Variants in DCAF10 observed in about 807,000 individuals in gnomAD.
The protein encoded by DCAF10 is DDB1- and CUL4-associated factor 10.
A neutral mutation model predicts 51.9 loss-of-function variants in DCAF10; 19 were observed. The ratio of observed to expected loss-of-function variants is 0.37; its 90% CI spans 0.26 to 0.54. DCAF10 has a LOEUF of 0.54. Among genes scored for constraint, DCAF10 ranks in the 20% least tolerant of loss-of-function variants. DCAF10 has a pLI of 0.87. For synonymous variants in DCAF10, 291 were observed against 297.1 expected, an observed-to-expected ratio of 0.98 and a Z score of 0.21; for missense variants, 510 against 730.6, an observed-to-expected ratio of 0.70 and a Z score of 3.48.
At chr9:37,822,418 T>G (rs1350396276) in intron 2 of DCAF10, among the ~76,000 whole-genome samples, 5 of 70,840 alleles carry the variant, frequency 7.1e-5, no homozygotes, top group East Asian at 2.5e-4. Flanking sequence ...TATATATATA[T>G]ATATATATAT....
chr9:37,826,287 T>C (rs1829850144), intron 2 of DCAF10, among the ~76,000 whole-genome samples: 1 of 152,200 alleles, frequency 6.6e-6, no homozygotes. Flanking sequence ...CTATTATGCA[T>C]GTAAAGAGAA....
chr9:37,831,084 G>A (rs539587579), intron 2 of DCAF10, among the ~76,000 whole-genome samples: 100 of 152,248 alleles, frequency 6.6e-4, no homozygotes, highest in Middle Eastern at 6.8e-3. Context: ...TTAGCTGGGC[G>A]TGGTGGCACA....
At chr9:37,808,661 A>C (rs10973560) in intron 1 of DCAF10, among the ~76,000 whole-genome samples, 1 of 51,200 alleles carries the variant, frequency 2.0e-5, no homozygotes, top group East Asian at 4.6e-4. Flanking sequence ...ATAAAATATA[A>C]ATATATTATA....
chr9:37,831,142 A>G (rs572340559), intron 2 of DCAF10, among the ~76,000 whole-genome samples: 78 of 152,232 alleles, frequency 5.1e-4, no homozygotes, highest in Non-Finnish European at 8.5e-4. Flanking sequence ...GCTTGAACCC[A>G]GGAGGCAGAG....
intron 3 of DCAF10, among the ~76,000 whole-genome samples, chr9:37,846,856 C>G (rs1482804529): frequency 6.6e-6 from 1 of 152,202 alleles, no homozygotes; most frequent in East Asian, 1.9e-4. Context: ...TAATAACAGT[C>G]CTTCACAAAC....
intron 3 of DCAF10, among the ~76,000 whole-genome samples, chr9:37,846,541 C>T (rs568168885): frequency 3.3e-5 from 5 of 152,170 alleles, no homozygotes; most frequent in African/African-American, 1.2e-4. Context: ...ATTGCAACCT[C>T]TGCTTCCCAG....
At chr9:37,812,023 C>T (rs1829362965) in intron 1 of DCAF10, among the ~76,000 whole-genome samples, 1 of 151,740 alleles carries the variant, frequency 6.6e-6, no homozygotes, top group Non-Finnish European at 1.5e-5. Context: ...CCTGACTCTA[C>T]AAAAAAATTA....
intron 2 of DCAF10, among the ~76,000 whole-genome samples, chr9:37,826,057 A>G (rs1451697288): frequency 6.7e-6 from 1 of 148,560 alleles, no homozygotes; most frequent in African/African-American, 2.5e-5. Flanking sequence ...AAAAAGTTTA[A>G]AAAAGTGGTA....
intron 2 of DCAF10, 112 bp from the exon 3 acceptor site, chr9:37,841,977 A>G (rs1830349547): frequency 1.1e-6 from 1 of 908,494 alleles, no homozygotes; most frequent in Non-Finnish European, 1.6e-6. Context: ...GTGAGTGTGT[A>G]GTCCTTTTTT....
intron 3 of DCAF10, among the ~76,000 whole-genome samples, chr9:37,854,530 T>G (rs1830788464): frequency 6.6e-6 from 1 of 152,230 alleles, no homozygotes; most frequent in Non-Finnish European, 1.5e-5. Flanking sequence ...CATTCCTTTG[T>G]GGTAAGGACA....
At chr9:37,813,235 A>G (rs1829408938) in intron 1 of DCAF10, among the ~76,000 whole-genome samples, 1 of 152,098 alleles carries the variant, frequency 6.6e-6, no homozygotes, top group Non-Finnish European at 1.5e-5. Flanking sequence ...GGCAGCTAGG[A>G]CTGCAGCCAT....
In DCAF10 at chr9:37,854,786, A is replaced by G; in HGVS notation, c.858A>G (p.Thr286=). 1 of 1,613,746 alleles carries G rather than the reference A, an allele frequency of 6.2e-7. No individual in the cohort carries two copies. Among genetic ancestry groups the G allele is most frequent in the South Asian group, 1.1e-5 (1 of 90,988 alleles). ...NVIIWDTNRY[T]EDGCPHKKFF... is the part of the protein sequence containing the mutation. The stretch of plus-strand genomic sequence containing the variant: ...GGCTTGGTTTCTCCTGTAGGTATAC[A>G]GAAGATGGGTGTCCACATAAGAAAT... The change falls in exon 4 of 7, where the codon ACA becomes ACG. Residue 286 remains threonine, a synonymous_variant. Coordinates refer to ENST00000377724, the MANE Select transcript of DCAF10 (RefSeq NM_024345.5).
chr9:37,831,835 G>A (rs1830015607), intron 2 of DCAF10, among the ~76,000 whole-genome samples: 1 of 152,150 alleles, frequency 6.6e-6, no homozygotes, highest in Admixed American at 6.5e-5. Context: ...TGTAATCCCA[G>A]CTACTCGGGA....
intron 2 of DCAF10, among the ~76,000 whole-genome samples, chr9:37,828,758 C>T (rs10973574): frequency 2.9e-4 from 44 of 151,606 alleles, no homozygotes; most frequent in African/African-American, 9.0e-4. Flanking sequence ...TGAACCAGTG[C>T]GGGGTGGAAA....
chr9:37,816,185 T>C (rs2119046904), intron 1 of DCAF10, among the ~76,000 whole-genome samples: 1 of 152,294 alleles, frequency 6.6e-6, no homozygotes, highest in East Asian at 1.9e-4. Flanking sequence ...ATGGGCCATA[T>C]GGAGGAAACT....
intron 3 of DCAF10, among the ~76,000 whole-genome samples, chr9:37,853,143 A>C (rs1453318140): frequency 2.9e-5 from 4 of 136,786 alleles, no homozygotes; most frequent in African/African-American, 1.2e-4. Flanking sequence ...CAAGAGTGAA[A>C]CTCCGTCTCA....
intron 2 of DCAF10, among the ~76,000 whole-genome samples, chr9:37,831,068 C>G (rs1829992313): frequency 6.6e-6 from 1 of 152,124 alleles, no homozygotes; most frequent in African/African-American, 2.4e-5. Flanking sequence ...ATTAAAAATA[C>G]AAAAATTAGC....
intron 2 of DCAF10, among the ~76,000 whole-genome samples, chr9:37,839,307 G>A (rs899751892): frequency 2.6e-5 from 4 of 151,936 alleles, no homozygotes; most frequent in Admixed American, 1.3e-4. Flanking sequence ...TGATCCACCC[G>A]CCTCAGCCTC....
intron 3 of DCAF10, among the ~76,000 whole-genome samples, chr9:37,844,746 G>C (rs1279351068): frequency 6.6e-6 from 1 of 152,176 alleles, no homozygotes; most frequent in Non-Finnish European, 1.5e-5. Flanking sequence ...TGAGGCAGGA[G>C]AATCGCTTGA....
Sources: gnomAD v4.1 joint callset for allele counts (sites outside exome capture counted in the v4.1 genomes callset) on GRCh38, gnomAD v4.1.1 for gene constraint, MANE v1.5 for transcripts, NCBI Gene and HGNC (gene_info 2026-07-23, HGNC 2026-07-21) for gene names.